The following TRAPPC8 variants were observed in gnomAD, a reference collection of about 807,000 sequenced individuals.
TRAPPC8 encodes general sporulation gene 1 homolog.
In TRAPPC8, 54 loss-of-function variants were observed where a neutral mutation model predicts 174.3. The observed-to-expected ratio is 0.31, with a 90% CI of 0.25 to 0.39. TRAPPC8 has a LOEUF of 0.39. TRAPPC8 is among the 10% of genes least tolerant of loss of function. The probability of loss-of-function intolerance (pLI) is 1.00; values close to 1 mark genes in which losing one functional copy is unlikely to be tolerated. For synonymous variants in TRAPPC8, 630 were observed against 579.9 expected (o/e 1.09, Z -1.24); for missense variants, 1,531 against 1,699.1 (o/e 0.90, Z 1.74).
intron 1 of TRAPPC8, chr18:31,939,473 AAG>A (rs1479341814): frequency 1.3e-5 from 2 of 152,184 alleles, no homozygotes; most frequent in African/African-American, 2.4e-5. Context: ...GTACCCCAGT[AAG>A]AGTTTCCTCC....
At position 31,888,997 on chromosome 18, in the gene TRAPPC8, C is replaced by A. The variant is rs149962832; in HGVS notation, c.1728+1738G>T. ...GTCAGAATTATATGTGTTCTATGCA[C>A]CCTAACTTCCAAGGAAGAGACTGTT... On this transcript the variant is annotated intron_variant, in intron 12 of 28. Transcript: ENST00000283351. 4.8e-3 allele frequency among the ~76,000 whole-genome samples: 724 copies of A among 152,074 alleles called. 8 individuals are homozygous for A. The highest frequency in any genetic ancestry group is 0.016 in the African/African-American group (671 of 41,470).
At chr18:31,858,940 T>C (rs760681052) in intron 19 of TRAPPC8, among the ~76,000 whole-genome samples, 1 of 151,850 alleles carries the variant, frequency 6.6e-6, no homozygotes, top group Non-Finnish European at 1.5e-5. Context: ...CCTGTTTCTA[T>C]CAAAACTACA....
chr18:31,877,113 C>T (rs2035193777), intron 12 of TRAPPC8, among the ~76,000 whole-genome samples: 1 of 152,168 alleles, frequency 6.6e-6, no homozygotes. Context: ...GCCAAAGCCC[C>T]ACCTTGAGAC....
At chr18:31,872,328 C>T (rs963424119) in intron 14 of TRAPPC8, among the ~76,000 whole-genome samples, 4 of 152,100 alleles carry the variant, frequency 2.6e-5, no homozygotes, top group Non-Finnish European at 4.4e-5. Context: ...AAAAAAAAGT[C>T]TTACAAGAAC....
intron 2 of TRAPPC8, among the ~76,000 whole-genome samples, chr18:31,929,270 T>C (rs2037753343): frequency 6.6e-6 from 1 of 151,912 alleles, no homozygotes; most frequent in East Asian, 1.9e-4. Context: ...ACTAAGTGAC[T>C]TGGCTGGGCA....
At chr18:31,853,325 T>G (rs2033811553) in intron 22 of TRAPPC8, among the ~76,000 whole-genome samples, 1 of 152,216 alleles carries the variant, frequency 6.6e-6, no homozygotes, top group Non-Finnish European at 1.5e-5. Flanking sequence ...TGGAGTGCAG[T>G]GGCATGATCT....
At chr18:31,832,611 T>C (rs1397946513) in intron 27 of TRAPPC8, 1 of 152,220 alleles carries the variant, frequency 6.6e-6, no homozygotes, top group African/African-American at 2.4e-5. Context: ...TTCTATCAAA[T>C]TTGCACAACA....
intron 1 of TRAPPC8, among the ~76,000 whole-genome samples, chr18:31,934,974 A>ATAAATAAATAAG (rs2038018920): frequency 6.6e-6 from 1 of 151,318 alleles, no homozygotes; most frequent in Non-Finnish European, 1.5e-5. Context: ...AAATAAATAA[A>ATAAATAAATAAG]TAAATAAATA....
At chr18:31,850,729 C>T (rs2033663666) in intron 24 of TRAPPC8, among the ~76,000 whole-genome samples, 1 of 152,142 alleles carries the variant, frequency 6.6e-6, no homozygotes, top group Admixed American at 6.5e-5. Flanking sequence ...CCATAGTTTT[C>T]TCATTAATCT....
At position 31,912,453 on chromosome 18, in the gene TRAPPC8, T is replaced by TTGCACCCCAGCC. The variant is rs2036953590; in HGVS notation, c.771+904_771+915dup. Among the ~76,000 whole-genome samples the TTGCACCCCAGCC allele has an allele frequency of 2.6e-5, 4 of 151,624 alleles. No individual in the cohort carries two copies. The South Asian group carries it at 8.3e-4, about 32-fold the overall frequency. On this transcript the variant is annotated intron_variant, in intron 5 of 28. Coordinates refer to ENST00000283351, the MANE Select transcript of TRAPPC8 (RefSeq NM_014939.5). ...GTTGCAGTGAGCCAAGATCGCGCCA[T>TTGCACCCCAGCC]TGCACCCCAGCCTGGGCAACAGAGC...
At chr18:31,915,402 G>A (rs1299125376) in intron 4 of TRAPPC8, among the ~76,000 whole-genome samples, 2 of 143,766 alleles carry the variant, frequency 1.4e-5, no homozygotes, top group African/African-American at 5.1e-5. Context: ...CACAGAGGCT[G>A]CAGTGAGCCA....
rs545555322 is a variant in TRAPPC8 at position 31,848,510 on chromosome 18, ATCT to A, written c.3735+1053_3735+1055del. Among the ~76,000 whole-genome samples the A allele has an allele frequency of 4.9e-4, 75 of 152,314 alleles. 1 individual carries two copies. The highest frequency in any genetic ancestry group is 1.7e-3 in the African/African-American group (70 of 41,576). ...TGATTTCGCCAATAATGTATAACTG[ATCT>A]TCTTAACATAAAATGCCTTCTATAA... On this transcript the variant is annotated intron_variant, in intron 25 of 28. Transcript: ENST00000283351.
chr18:31,880,090 A>AAAT (rs1259899654), intron 12 of TRAPPC8, among the ~76,000 whole-genome samples: 122 of 85,336 alleles, frequency 1.4e-3, no homozygotes, highest in Non-Finnish European at 2.2e-3. Context: ...TGAAAAAAAA[A>AAAT]ATATATATAT....
chr18:31,885,579 C>T (rs2035666737), intron 12 of TRAPPC8, among the ~76,000 whole-genome samples: 1 of 151,886 alleles, frequency 6.6e-6, no homozygotes, highest in Non-Finnish European at 1.5e-5. Context: ...GAAATATGGG[C>T]CGGGCACGGT....
chr18:31,871,859 TA>T (rs989294014), intron 14 of TRAPPC8, among the ~76,000 whole-genome samples: 50 of 149,940 alleles, frequency 3.3e-4, no homozygotes, highest in South Asian at 1.3e-3. Flanking sequence ...TATGACAATT[TA>T]AAAAAAAAAT....
intron 12 of TRAPPC8, among the ~76,000 whole-genome samples, chr18:31,877,947 C>G (rs1001471341): frequency 6.6e-6 from 1 of 150,588 alleles, no homozygotes; most frequent in Non-Finnish European, 1.5e-5. Context: ...AAAAAAGTGA[C>G]CCCATGCCAA....
chr18:31,936,861 G>T (rs575453214), intron 1 of TRAPPC8, among the ~76,000 whole-genome samples: 1 of 134,034 alleles, frequency 7.5e-6, no homozygotes, highest in East Asian at 2.3e-4. Context: ...AAGATTGTGC[G>T]ACGGCACTGC....
At chr18:31,854,913 C>G (rs1254226686) in intron 21 of TRAPPC8, among the ~76,000 whole-genome samples, 2 of 128,952 alleles carry the variant, frequency 1.6e-5, no homozygotes, top group African/African-American at 6.2e-5. Flanking sequence ...TTGCAGTGAG[C>G]AGAGATCGCG....
At chr18:31,845,772 A>C (rs2033367151) in intron 26 of TRAPPC8, among the ~76,000 whole-genome samples, 1 of 152,122 alleles carries the variant, frequency 6.6e-6, no homozygotes, top group South Asian at 2.1e-4. Flanking sequence ...CTTCAGGTCC[A>C]CGGTGAAATA....
Sources: gnomAD v4.1 joint callset for allele counts (sites outside exome capture counted in the v4.1 genomes callset) on GRCh38, gnomAD v4.1.1 for gene constraint, MANE v1.5 for transcripts, NCBI Gene and HGNC (gene_info 2026-07-23, HGNC 2026-07-21) for gene names.